AKAP9: variants seen among roughly 807,000 people sequenced by gnomAD.
The protein encoded by AKAP9 is A-kinase anchoring protein 9.
AKAP9 carries 311 observed loss-of-function variants against 488.5 expected under a neutral mutation model. The ratio of observed to expected loss-of-function variants is 0.64; its 90% CI spans 0.58 to 0.70. AKAP9 has a LOEUF of 0.70. AKAP9 is among the 30% of genes least tolerant of loss of function. The probability of loss-of-function intolerance (pLI) is 0.00; values close to 1 mark genes in which losing one functional copy is unlikely to be tolerated. For missense variants in AKAP9, 4,215 were observed against 4,374.5 expected, an observed-to-expected ratio of 0.96 and a Z score of 1.03; for synonymous variants, 1,462 against 1,483.5, an observed-to-expected ratio of 0.99 and a Z score of 0.33.
intron 37 of AKAP9, among the ~76,000 whole-genome samples, chr7:92,087,973 T>C (rs2130880737): frequency 6.6e-6 from 1 of 152,116 alleles, no homozygotes; most frequent in South Asian, 2.1e-4. Context: ...AATCACCCTT[T>C]ATTAAACACT....
At chr7:92,012,973 ATTTTTTTTTTTTTTTTTTTT>A (rs749688986) in intron 9 of AKAP9, among the ~76,000 whole-genome samples, 185 of 60,764 alleles carry the variant, frequency 3.0e-3, no homozygotes, top group African/African-American at 6.7e-3. Context: ...TGGGGTTGGA[ATTTTTTTTTTTTTTTTTTTT>A]TTTTTTTTTT....
chr7:92,107,250 G>A (rs1818661121), intron 47 of AKAP9, 43 bp from the exon 48 acceptor site: 1 of 1,608,116 alleles, frequency 6.2e-7, no homozygotes, highest in African/African-American at 1.3e-5. Context: ...TAAGGTCTTG[G>A]GATTTTATTT....
At chr7:92,093,488 C>T (rs1366648998) in intron 39 of AKAP9, among the ~76,000 whole-genome samples, 172 bp downstream of exon 39, 2 of 152,096 alleles carry the variant, frequency 1.3e-5, no homozygotes, top group African/African-American at 4.8e-5. Context: ...AAATGATGAA[C>T]TTATGATCGT....
chr7:91,966,991 T>C (rs1794506880), intron 1 of AKAP9, among the ~76,000 whole-genome samples: 1 of 152,196 alleles, frequency 6.6e-6, no homozygotes, highest in South Asian at 2.1e-4. Context: ...GTTCCATTTC[T>C]TTCATCACTC....
In AKAP9 at chr7:91,980,334, G is replaced by A; in HGVS notation, c.351+1G>A. On this transcript the variant is annotated splice_donor_variant, in intron 3 of 49. Coordinates refer to ENST00000356239, the MANE Select transcript of AKAP9 (RefSeq NM_005751.5). LOFTEE classifies it high-confidence loss of function. ...CACAGCAGATGACTGCAGTTCAGAG[G>A]TAAGACTAAATTATATTGATTTCTA... 6.5e-7 allele frequency: 1 copy of A among 1,535,680 alleles called. No homozygotes were observed. The highest frequency in any genetic ancestry group is 1.2e-5 in the South Asian group (1 of 82,730).
chr7:92,020,179 A>G (rs1393552465), intron 12 of AKAP9, among the ~76,000 whole-genome samples: 1 of 152,180 alleles, frequency 6.6e-6, no homozygotes, highest in African/African-American at 2.4e-5. Flanking sequence ...TTACTTTGGG[A>G]TCAGGATCAG....
chr7:91,976,673 G>A (rs1162013226), intron 2 of AKAP9, among the ~76,000 whole-genome samples: 1 of 152,060 alleles, frequency 6.6e-6, no homozygotes, highest in Non-Finnish European at 1.5e-5. Context: ...TATTTAAATG[G>A]TCTAACATAT....
At chr7:91,994,913 T>G in intron 6 of AKAP9, 137 bp downstream of exon 6, 1 of 725,688 alleles carries the variant, frequency 1.4e-6, no homozygotes. Flanking sequence ...TGAATATGTG[T>G]TGCTATATTA....
At position 92,001,126 on chromosome 7, in the gene AKAP9, A is replaced by C. The variant is rs1799116695; in HGVS notation, c.1209A>C (p.Glu403Asp). The C allele has an allele frequency of 6.2e-7, 1 of 1,614,072 alleles. No individual in the cohort carries two copies. Among genetic ancestry groups the C allele is most frequent in the African/African-American group, 1.3e-5 (1 of 75,054 alleles). The change falls in exon 8 of 50, where the codon GAA becomes GAC. Residue 403 changes from glutamate (E) to aspartate (D), a missense_variant. Coordinates refer to ENST00000356239, the MANE Select transcript of AKAP9 (RefSeq NM_005751.5). ...AACAGTTAATGGGGACAGTCGAAGA[A>C]CTTCAGAAGAGAAATCATAAAGACA... ...EIKQLMGTVE[E>D]LQKRNHKDSQ...
At chr7:92,059,862 C>A (rs1001862277) in intron 22 of AKAP9, among the ~76,000 whole-genome samples, 2 of 151,740 alleles carry the variant, frequency 1.3e-5, no homozygotes, top group Non-Finnish European at 3.0e-5. Flanking sequence ...AGGAAAAACT[C>A]TTTCCAGTTA....
rs1403586209 is a variant in AKAP9 at position 92,102,330 on chromosome 7, AAT to A, written c.11098-261_11098-260del. ...TAAAAGAAACAAGAAGCCTAACTAT[AAT>A]ATTAGTATTCAGACTCCATTGACTA... On this transcript the variant is annotated intron_variant, in intron 45 of 49. Transcript: ENST00000356239. Among the ~76,000 whole-genome samples the A allele has an allele frequency of 1.3e-4, 19 of 151,562 alleles. No homozygotes were observed. The East Asian group carries it at 3.7e-3, about 29-fold the overall frequency.
intron 46 of AKAP9, among the ~76,000 whole-genome samples, chr7:92,104,357 A>G (rs1818174442): frequency 1.3e-5 from 2 of 151,282 alleles, no homozygotes; most frequent in African/African-American, 4.9e-5. Flanking sequence ...CACCCGGCTA[A>G]TTTTTTTGTA....
At chr7:92,072,557 A>G (rs1230551903) in intron 28 of AKAP9, among the ~76,000 whole-genome samples, 1 of 152,200 alleles carries the variant, frequency 6.6e-6, no homozygotes, top group African/African-American at 2.4e-5. Flanking sequence ...GGTATTTGAG[A>G]TACTTTTCTC....
At chr7:92,071,229 A>G (rs1811675428) in intron 28 of AKAP9, among the ~76,000 whole-genome samples, 2 of 152,190 alleles carry the variant, frequency 1.3e-5, no homozygotes, top group South Asian at 4.1e-4. Flanking sequence ...GCCAGTGTAA[A>G]GGCCTTGAAG....
chr7:92,085,787 ATAAC>A, intron 36 of AKAP9, 101 bp downstream of exon 36: 1 of 883,448 alleles, frequency 1.1e-6, no homozygotes. Context: ...TTTTGCATGA[ATAAC>A]TATATATATA....
chr7:92,048,371 C>T (rs1189510137), intron 21 of AKAP9, among the ~76,000 whole-genome samples: 1 of 152,120 alleles, frequency 6.6e-6, no homozygotes, highest in African/African-American at 2.4e-5. Context: ...TTTGCTTCCT[C>T]ATAAGAGTAA....
chr7:92,069,222 T>G (rs1463894281), intron 26 of AKAP9, among the ~76,000 whole-genome samples: 1 of 152,210 alleles, frequency 6.6e-6, no homozygotes, highest in Admixed American at 6.5e-5. Context: ...TTTATTTAGG[T>G]CATTTTATCT....
chr7:92,016,060 T>A (rs2130713349), intron 10 of AKAP9, 69 bp from the exon 11 acceptor site: 1 of 1,348,144 alleles, frequency 7.4e-7, no homozygotes, highest in East Asian at 2.3e-5. Flanking sequence ...CTAGGAGAAT[T>A]ATGTTTAATC....
At chr7:91,941,894 G>GTA (rs930951027) in intron 1 of AKAP9, among the ~76,000 whole-genome samples, 2 of 151,742 alleles carry the variant, frequency 1.3e-5, no homozygotes, top group African/African-American at 4.8e-5. Context: ...GTGTGTGTGT[G>GTA]TGTGTGTGTG....
Sources: allele counts gnomAD v4.1 joint callset (sites outside exome capture counted in the v4.1 genomes callset), GRCh38; gene constraint gnomAD v4.1.1; transcripts MANE v1.5; gene names NCBI Gene and HGNC (gene_info 2026-07-23, HGNC 2026-07-21).